ACSL4: variants seen among roughly 807,000 people sequenced by gnomAD.
ACSL4 encodes long-chain-fatty-acid--CoA ligase 4.
A neutral mutation model predicts 49.1 loss-of-function variants in ACSL4; 9 were observed. That is an observed-to-expected ratio of 0.18 (90% CI 0.11 to 0.32). The LOEUF (loss-of-function observed/expected upper bound fraction) is 0.32, where lower values mean the gene tolerates loss of function less well. ACSL4 is among the 10% of genes least tolerant of loss of function. The pLI, the probability that ACSL4 is intolerant of heterozygous loss-of-function variation, is 1.00. For synonymous variants in ACSL4, 191 were observed against 170.3 expected, an observed-to-expected ratio of 1.12 and a Z score of -0.95; for missense variants, 333 against 493.7, an observed-to-expected ratio of 0.67 and a Z score of 3.08.
intron 9 of ACSL4, among the ~76,000 whole-genome samples, chrX:109,671,617 C>T (rs192886867): frequency 0.011 from 1,221 of 112,276 alleles, 14 homozygotes; most frequent in Admixed American, 0.057. Context: ...ATGACGATGG[C>T]GGTTTTGTCA....
At chrX:109,693,263 A>T (rs1346835158) in intron 2 of ACSL4, among the ~76,000 whole-genome samples, 4 of 100,843 alleles carry the variant, frequency 4.0e-5, no homozygotes, top group Admixed American at 1.0e-4. Flanking sequence ...ATCGTGATTT[A>T]AAAAAAAAAA....
chrX:109,683,381 C>G lies in ACSL4; in HGVS notation c.-12-6G>C. On this transcript the variant is annotated splice_polypyrimidine_tract_variant and splice_region_variant and intron_variant, in intron 2 of 15. Coordinates refer to ENST00000672401, the MANE Select transcript of ACSL4 (RefSeq NM_001318510.2). ...TTTGCCATAGCGTTTTTCTTCTTGG[C>G]ATTGGTAAGAAAATACCATGGAATA... The G allele has an allele frequency of 1.7e-6, 2 of 1,211,028 alleles. No individual in the cohort carries two copies. Among genetic ancestry groups the G allele is most frequent in the Non-Finnish European group, 2.2e-6 (2 of 894,912 alleles).
At chrX:109,719,776 G>A (rs1036334607) in intron 1 of ACSL4, among the ~76,000 whole-genome samples, 9 of 109,777 alleles carry the variant, frequency 8.2e-5, no homozygotes, top group African/African-American at 2.3e-4. Flanking sequence ...ACCTGAGGTC[G>A]GGAGTTCGGG....
At chrX:109,712,838 C>T (rs935559320) in intron 1 of ACSL4, among the ~76,000 whole-genome samples, 2 of 110,989 alleles carry the variant, frequency 1.8e-5, no homozygotes, top group African/African-American at 6.6e-5. Context: ...TGGTGGCACA[C>T]GACTGTAGTC....
chrX:109,718,360 G>T (rs1168427413), intron 1 of ACSL4, among the ~76,000 whole-genome samples: 1 of 112,337 alleles, frequency 8.9e-6, no homozygotes, highest in Non-Finnish European at 1.9e-5. Flanking sequence ...TCCCAACTTT[G>T]AAAGACAAAT....
Position 109,697,860 on chromosome X carries a change from CA to C in ACSL4, c.-65-1665del, listed in dbSNP as rs61078056. 3.9e-3 allele frequency among the ~76,000 whole-genome samples: 384 copies of C among 98,623 alleles called. 1 individual carries two copies. Among genetic ancestry groups the C allele is most frequent in the Admixed American group, 7.0e-3 (64 of 9,091 alleles). The allele number at this position is 98,623 out of a possible 115,157, so 85.6% of individuals were successfully genotyped here. A position where few individuals can be genotyped will look rare whatever the true frequency, so the allele number is the denominator to read the frequency against. The stretch of plus-strand genomic sequence containing the variant: ...ATAATTCCAGTAACTTAAAAATGAC[CA>C]AAAAAAAAAACCCATCCTTCTATAA... On this transcript the variant is annotated intron_variant, in intron 1 of 15. Coordinates refer to ENST00000672401, the MANE Select transcript of ACSL4 (RefSeq NM_001318510.2).
intron 12 of ACSL4, among the ~76,000 whole-genome samples, chrX:109,664,857 T>C (rs964652953): frequency 8.9e-6 from 1 of 112,247 alleles, no homozygotes; most frequent in Non-Finnish European, 1.9e-5. Context: ...ATATTTAGTA[T>C]CTTTCATTAA....
intron 1 of ACSL4, among the ~76,000 whole-genome samples, chrX:109,724,603 T>C (rs980509466): frequency 9.0e-6 from 1 of 111,539 alleles, no homozygotes; most frequent in African/African-American, 3.3e-5. Flanking sequence ...CATGGCACCA[T>C]GCCCAACTAA....
At chrX:109,713,259 G>C (rs1926887263) in intron 1 of ACSL4, among the ~76,000 whole-genome samples, 1 of 111,796 alleles carries the variant, frequency 8.9e-6, no homozygotes, top group African/African-American at 3.3e-5. Flanking sequence ...GCAGAGCTTA[G>C]GTGAAAACTC....
intron 15 of ACSL4, among the ~76,000 whole-genome samples, chrX:109,653,509 T>A: frequency 9.0e-6 from 1 of 111,459 alleles, no homozygotes; most frequent in East Asian, 2.8e-4. Context: ...TGCACACGTA[T>A]GTTTATTGCG....
chrX:109,648,886 C>T (rs1243741296), intron 15 of ACSL4, among the ~76,000 whole-genome samples: 1 of 96,764 alleles, frequency 1.0e-5, no homozygotes, highest in Non-Finnish European at 2.1e-5. Flanking sequence ...CAACAACAGA[C>T]AAACAGAGAG....
chrX:109,732,174 G>A (rs1203800406), intron 1 of ACSL4, among the ~76,000 whole-genome samples: 1 of 111,839 alleles, frequency 8.9e-6, no homozygotes, highest in Non-Finnish European at 1.9e-5. Context: ...TTTTTCAAAG[G>A]GATTCATTTC....
intron 2 of ACSL4, among the ~76,000 whole-genome samples, chrX:109,691,857 T>C (rs181143224): frequency 8.9e-6 from 1 of 111,795 alleles, no homozygotes; most frequent in South Asian, 3.7e-4. Flanking sequence ...ATACAGTAAT[T>C]ATAATAAATA....
intron 1 of ACSL4, among the ~76,000 whole-genome samples, chrX:109,730,992 T>C (rs1928396923): frequency 1.8e-5 from 2 of 111,804 alleles, no homozygotes; most frequent in African/African-American, 3.3e-5. Flanking sequence ...CTAAAAGCCA[T>C]GGACATTTAA....
At chrX:109,692,203 T>C (rs1330904921) in intron 2 of ACSL4, 1 of 111,791 alleles carries the variant, frequency 8.9e-6, no homozygotes, top group Non-Finnish European at 1.9e-5. Context: ...GATAATGTTG[T>C]TGCTAGGTCA....
At chrX:109,719,908 G>A (rs749492725) in intron 1 of ACSL4, among the ~76,000 whole-genome samples, 8 of 110,571 alleles carry the variant, frequency 7.2e-5, no homozygotes, top group Middle Eastern at 4.7e-3. Context: ...CAAGAGAATC[G>A]CTTGAACCCG....
At chrX:109,709,270 G>C (rs993036548) in intron 1 of ACSL4, among the ~76,000 whole-genome samples, 1 of 112,001 alleles carries the variant, frequency 8.9e-6, no homozygotes, top group Admixed American at 9.5e-5. Flanking sequence ...GGTGATCAGA[G>C]GGCCTGTGAA....
At chrX:109,714,168 T>TTTTTTG (rs767638940) in intron 1 of ACSL4, among the ~76,000 whole-genome samples, 3 of 112,116 alleles carry the variant, frequency 2.7e-5, no homozygotes, top group Non-Finnish European at 3.8e-5. Flanking sequence ...TGTGTCTTAG[T>TTTTTTG]TTTTTGTTTT....
At chrX:109,647,111 C>A (rs1212065972) in intron 15 of ACSL4, among the ~76,000 whole-genome samples, 3 of 111,040 alleles carry the variant, frequency 2.7e-5, no homozygotes, top group Admixed American at 9.6e-5. Flanking sequence ...TTAGACAGAT[C>A]AACGAGACAG....
Sources: gnomAD v4.1 joint callset for allele counts (sites outside exome capture counted in the v4.1 genomes callset) on GRCh38, gnomAD v4.1.1 for gene constraint, MANE v1.5 for transcripts, NCBI Gene and HGNC (gene_info 2026-07-23, HGNC 2026-07-21) for gene names.